Variants in LMF1 observed in about 807,000 individuals in gnomAD.
LMF1 encodes the protein transmembrane protein 112.
Under a neutral mutation model 60.6 loss-of-function variants are expected in LMF1, and 68 were observed. The observed-to-expected ratio is 1.12, with a 90% confidence interval of 0.92 to 1.37. The LOEUF (loss-of-function observed/expected upper bound fraction) is 1.37, where lower values mean the gene tolerates loss of function less well. LMF1 is among the 40% of genes most tolerant of loss of function. The pLI, the probability that LMF1 is intolerant of heterozygous loss-of-function variation, is 0.00. For synonymous variants in LMF1, 418 were observed against 324.7 expected (o/e 1.29, Z -3.09); for missense variants, 948 against 767.2 (o/e 1.24, Z -2.78).
intron 6 of LMF1, among the ~76,000 whole-genome samples, chr16:876,086 C>T (rs982992421): frequency 1.3e-5 from 2 of 152,258 alleles, no homozygotes; most frequent in African/African-American, 2.4e-5. Context: ...CTTGTGCGCC[C>T]TGTGGGAAGC....
Position 871,222 on chromosome 16 carries a change from C to A in LMF1, c.1017G>T (p.Leu339=). ...TCTGCATCTGCAGAACTCGGTCCTT[C>A]AGGCTGCCTGGCCCAGAGGGGAACA... The part of the protein sequence containing the change: ...GFLFPSGPGS[L]KDRVLQMQRD... The change falls in exon 7 of 11, where the codon CTG becomes CTT. Residue 339 remains leucine (L), a synonymous_variant. Coordinates refer to ENST00000262301, the MANE Select transcript of LMF1 (RefSeq NM_022773.4). 6.2e-7 allele frequency: 1 copy of A among 1,611,814 alleles called. No homozygotes were observed.
At position 854,611 on chromosome 16, in the gene LMF1, G is replaced by A. The variant is rs1041527113; in HGVS notation, c.1625C>T (p.Ala542Val). The A allele has an allele frequency of 1.8e-5, 29 of 1,606,568 alleles. No individual in the cohort carries two copies. The highest frequency in any genetic ancestry group is 2.2e-5 in the Non-Finnish European group (26 of 1,178,030). Reference protein sequence around the residue: ...GKWWVRKRIGAYFPPLSLEEL... With the variant: ...GKWWVRKRIGVYFPPLSLEEL... ...CTCCAGGCTGAGCGGAGGGAAGTAG[G>A]CTCCGATCCTCTTCCGCACCCACCA... is the stretch of plus-strand genomic sequence containing the variant. The change falls in exon 11 of 11, where the codon GCC becomes GTC. Residue 542 changes from alanine (A) to valine (V), a missense_variant. Physicochemically the swap from Ala to Val is moderately conservative, Grantham distance 64. Transcript: ENST00000262301.
At chr16:949,871 G>T in intron 2 of LMF1, among the ~76,000 whole-genome samples, 1 of 103,664 alleles carries the variant, frequency 9.6e-6, no homozygotes. Context: ...GCCAAGGACA[G>T]CGTCAGCCAA....
intron 1 of LMF1, among the ~76,000 whole-genome samples, chr16:966,602 G>A (rs1429247941): frequency 2.7e-5 from 3 of 113,036 alleles, no homozygotes; most frequent in African/African-American, 1.5e-4. Context: ...CCTTTCCGAC[G>A]TTCAGATATA....
intron 3 of LMF1, among the ~76,000 whole-genome samples, chr16:925,466 C>T (rs1052155800): frequency 6.6e-6 from 1 of 152,260 alleles, no homozygotes; most frequent in Non-Finnish European, 1.5e-5. Context: ...TGGCTCATGC[C>T]TGTAATCCCC....
In LMF1 at chr16:897,520, G is replaced by A. The variant is rs780443435; in HGVS notation, c.664-4448C>T. 3.9e-5 allele frequency among the ~76,000 whole-genome samples: 6 copies of A among 152,304 alleles called. No homozygotes were observed. The highest frequency in any genetic ancestry group is 1.9e-4 in the East Asian group (1 of 5,178). ...CACCTGTAAACACAGGGAATTACTC[G>A]CGACAGGTCCTGCCTCCGCAGGAGA... On this transcript the variant is annotated intron_variant, in intron 4 of 10. Coordinates refer to ENST00000262301, the MANE Select transcript of LMF1 (RefSeq NM_022773.4). The surrounding 1 kb of genome is among the most constrained non-coding windows in gnomAD (Gnocchi z 4.3).
chr16:913,283 G>A (rs1014359177), intron 3 of LMF1, among the ~76,000 whole-genome samples: 2 of 152,236 alleles, frequency 1.3e-5, no homozygotes, highest in African/African-American at 4.8e-5. Context: ...GGAGCCTGAC[G>A]CGTTCTGCCT....
intron 3 of LMF1, among the ~76,000 whole-genome samples, chr16:914,708 C>CTCCCTCCTCATG (rs1181913644): frequency 3.7e-5 from 1 of 27,090 alleles, no homozygotes; most frequent in East Asian, 1.1e-3. Flanking sequence ...CACTCCCTCC[C>CTCCCTCCTCATG]ACGACCATTG....
intron 3 of LMF1, among the ~76,000 whole-genome samples, chr16:913,302 G>A (rs2071174106): frequency 6.6e-6 from 1 of 152,246 alleles, no homozygotes; most frequent in Admixed American, 6.5e-5. Context: ...CTGGGTAACG[G>A]GGCAGTAGCT....
chr16:890,945 G>A (rs1435876497), intron 5 of LMF1, among the ~76,000 whole-genome samples: 2 of 152,182 alleles, frequency 1.3e-5, no homozygotes, highest in Non-Finnish European at 2.9e-5. Context: ...GCTCCAGGCC[G>A]GGCCCACCCT....
At chr16:967,068 C>T (rs2072939312) in intron 1 of LMF1, among the ~76,000 whole-genome samples, 1 of 152,224 alleles carries the variant, frequency 6.6e-6, no homozygotes. Flanking sequence ...CTGTCCTTCC[C>T]CCGTCTTGTC....
At chr16:972,955 C>T (rs1395570870), upstream of LMF1, among the ~76,000 whole-genome samples, 1 of 152,322 alleles carries the variant, frequency 6.6e-6, no homozygotes, top group South Asian at 2.1e-4. Context: ...GAGCAGGTCA[C>T]CGGGGGCAGG....
chr16:871,255 C>T lies in LMF1; in HGVS notation c.984G>A (p.Leu328=). The change falls in exon 7 of 11, where the codon CTG becomes CTA. Residue 328 remains leucine (L), a synonymous_variant. Transcript: ENST00000262301. ...CTGGCCCAGAGGGGAACAAGAATCC[C>T]AGGGTGGCGTCATCAAAGCAGGCCA... The part of the protein sequence containing the change: ...PSLACFDDAT[L]GFLFPSGPGS... 1 of 1,612,506 alleles carries T rather than the reference C, an allele frequency of 6.2e-7. No individual in the cohort carries two copies. Among genetic ancestry groups the T allele is most frequent in the Non-Finnish European group, 8.5e-7 (1 of 1,179,790 alleles).
At chr16:949,309 A>AGAGTCAGAGACAACAACAGAGTTAGAG in intron 2 of LMF1, among the ~76,000 whole-genome samples, 1 of 107,072 alleles carries the variant, frequency 9.3e-6, no homozygotes. Context: ...AGTCAGAGAC[A>AGAGTCAGAGACAACAACAGAGTTAGAG]ACGACAGAGT....
chr16:950,546 G>C (rs1190310578), intron 2 of LMF1, among the ~76,000 whole-genome samples: 1 of 114,076 alleles, frequency 8.8e-6, no homozygotes, highest in East Asian at 2.5e-4. Flanking sequence ...CAATGACAGA[G>C]TCAGCCAATG....
intron 3 of LMF1, among the ~76,000 whole-genome samples, chr16:928,496 A>G (rs1406990005): frequency 6.6e-6 from 1 of 152,116 alleles, no homozygotes; most frequent in Non-Finnish European, 1.5e-5. Context: ...ACTTCCTACA[A>G]AGGAATATCC....
intron 3 of LMF1, among the ~76,000 whole-genome samples, chr16:924,611 G>A (rs1455851842): frequency 2.0e-5 from 3 of 152,162 alleles, no homozygotes; most frequent in South Asian, 2.1e-4. Flanking sequence ...AGGGGCAGCC[G>A]GGGGTCTCAG....
intron 3 of LMF1, among the ~76,000 whole-genome samples, chr16:915,820 CG>C (rs1397453404): frequency 6.6e-6 from 1 of 151,970 alleles, no homozygotes; most frequent in Non-Finnish European, 1.5e-5. Context: ...GCACCATCAC[CG>C]GGGGCCGGAG....
chr16:954,284 C>T (rs763746907), intron 2 of LMF1, 73 bp downstream of exon 2: 59 of 1,425,346 alleles, frequency 4.1e-5, no homozygotes, highest in Non-Finnish European at 4.9e-5. Flanking sequence ...TTTCCAAGTG[C>T]CAGGACACCT....
Sources: allele counts gnomAD v4.1 joint callset (sites outside exome capture counted in the v4.1 genomes callset), GRCh38; gene constraint gnomAD v4.1.1; non-coding constraint Gnocchi (gnomAD v3.1); transcripts MANE v1.5; gene names NCBI Gene and HGNC (gene_info 2026-07-23, HGNC 2026-07-21).